AFF1: variants seen among roughly 807,000 people sequenced by gnomAD.
AFF1 encodes the protein AF4/FMR2 family member 1.
A neutral mutation model predicts 121.7 loss-of-function variants in AFF1; 48 were observed. The ratio of observed to expected loss-of-function variants is 0.39; its 90% CI spans 0.31 to 0.50. AFF1 has a LOEUF of 0.50. Ranked by LOEUF, AFF1 falls within the 20% of genes least tolerant of loss-of-function variation. The pLI is 0.76. For synonymous variants in AFF1, 613 were observed against 563.0 expected (o/e 1.09, Z -1.26); for missense variants, 1,523 against 1,511.7 (o/e 1.01, Z -0.12).
intron 2 of AFF1, among the ~76,000 whole-genome samples, chr4:86,976,437 C>A (rs1310230294): frequency 1.3e-5 from 2 of 151,986 alleles, no homozygotes; most frequent in Non-Finnish European, 2.9e-5. Context: ...TATCACGCAC[C>A]CATGAAAAAG....
At chr4:87,071,101 G>T (rs1214194389) in intron 4 of AFF1, among the ~76,000 whole-genome samples, 1 of 151,618 alleles carries the variant, frequency 6.6e-6, no homozygotes. Context: ...GTTATAAAAT[G>T]AATTGGAGGA....
chr4:87,058,691 C>G (rs1416394843), intron 4 of AFF1, among the ~76,000 whole-genome samples: 6 of 152,164 alleles, frequency 3.9e-5, no homozygotes, highest in Admixed American at 6.5e-5. Context: ...ACTGAAAGAG[C>G]AAAACAAACC....
intron 2 of AFF1, among the ~76,000 whole-genome samples, chr4:86,953,215 T>A (rs981785585): frequency 6.6e-6 from 1 of 152,140 alleles, no homozygotes; most frequent in African/African-American, 2.4e-5. Flanking sequence ...TAGTACCTAC[T>A]ACAAGTGGTA....
Position 87,025,360 on chromosome 4 carries a change from C to T in AFF1, c.39-20806C>T, listed in dbSNP as rs148859636. Among the ~76,000 whole-genome samples the T allele has an allele frequency of 5.3e-5, 8 of 152,258 alleles. No homozygotes were observed. In the East Asian group the frequency reaches 1.2e-3, roughly 22 times the overall value. On this transcript the variant is annotated intron_variant, in intron 2 of 20. Transcript: ENST00000395146. ...ATTCTCATCTCTATTTTAGAGAGGA[C>T]GAAACTAAGGCTTAGAGAGTGTATG...
Position 87,135,972 on chromosome 4 carries a change from G to A in AFF1, c.*271G>A, listed in dbSNP as rs1244368059. 1 of 381,300 alleles carries A rather than the reference G, an allele frequency of 2.6e-6. No individual in the cohort carries two copies. The allele number at this position is 381,300 out of a possible 1,614,324, so 23.6% of individuals were successfully genotyped here. On this transcript the variant is annotated 3_prime_UTR_variant, in exon 21 of 21. Transcript: ENST00000395146. The stretch of plus-strand genomic sequence containing the variant: ...CAGAAGTGCAATTTAGCTTAAATGG[G>A]TGTATGAATGGTCTAGAAACATTTC...
chr4:87,060,830 T>A, intron 4 of AFF1, among the ~76,000 whole-genome samples: 1 of 75,000 alleles, frequency 1.3e-5, no homozygotes. Context: ...AGTGAGACTC[T>A]GTCTCAAAAA....
chr4:87,037,228 G>T (rs931768542), intron 2 of AFF1, among the ~76,000 whole-genome samples: 2 of 152,122 alleles, frequency 1.3e-5, no homozygotes, highest in African/African-American at 4.8e-5. Context: ...ATTGTGAAAA[G>T]AATTTAAAAA....
intron 2 of AFF1, among the ~76,000 whole-genome samples, chr4:86,992,720 A>T (rs1246903754): frequency 6.6e-6 from 1 of 152,216 alleles, no homozygotes; most frequent in African/African-American, 2.4e-5. Context: ...AAATACTGTA[A>T]ACCTGAAAAA....
At chr4:86,990,159 CTTAAA>C (rs1332578271) in intron 2 of AFF1, among the ~76,000 whole-genome samples, 2 of 100,014 alleles carry the variant, frequency 2.0e-5, no homozygotes, top group African/African-American at 6.0e-5. Context: ...TATTCCAGAA[CTTAAA>C]TTATAATAAT....
intron 7 of AFF1, 34 bp from the exon 8 acceptor site, chr4:87,094,881 C>A: frequency 6.2e-7 from 1 of 1,603,710 alleles, no homozygotes; most frequent in Non-Finnish European, 8.5e-7. Flanking sequence ...AAATATGTGT[C>A]ATTGTGCTGC....
chr4:87,011,116 A>G (rs911795293), intron 2 of AFF1, among the ~76,000 whole-genome samples: 1 of 150,008 alleles, frequency 6.7e-6, no homozygotes, highest in East Asian at 1.9e-4. Flanking sequence ...AAATCACCTG[A>G]TGCCACCTGA....
At chr4:86,965,459 A>G (rs1039062678) in intron 2 of AFF1, among the ~76,000 whole-genome samples, 4 of 152,174 alleles carry the variant, frequency 2.6e-5, no homozygotes, top group Non-Finnish European at 5.9e-5. Flanking sequence ...TTATCCACCT[A>G]TTAGCAAAAG....
rs900864177 is a variant in AFF1, at chr4:87,046,152, G to C, written c.39-14G>C. 6 of 1,606,300 alleles carry C rather than the reference G, an allele frequency of 3.7e-6. No individual in the cohort carries two copies. The African/African-American group carries it at 8.1e-5, about 22-fold the overall frequency. On this transcript the variant is annotated splice_polypyrimidine_tract_variant and intron_variant, in intron 2 of 20. Transcript: ENST00000395146. ...AATTTTATTGTTTTCATTCTTTTGT[G>C]GCATCTGAAACAGTTTGTACAATGA...
intron 2 of AFF1, chr4:87,007,240 C>T: frequency 1.4e-6 from 2 of 1,481,034 alleles, no homozygotes; most frequent in Admixed American, 2.6e-5. Flanking sequence ...CCCGGGGCTG[C>T]GCCGAGGACG....
rs2149767371 is a variant in AFF1 at position 87,114,583 on chromosome 4, G to GCCC, written c.1754_1756dup (p.Pro585dup). The GCCC allele has an allele frequency of 2.9e-6, 3 of 1,048,650 alleles. No individual in the cohort carries two copies. Among genetic ancestry groups the GCCC allele is most frequent in the Non-Finnish European group, 3.8e-6 (3 of 783,672 alleles). The allele number at this position is 1,048,650 out of a possible 1,614,324, so 65.0% of individuals were successfully genotyped here. A position where few individuals can be genotyped will look rare whatever the true frequency, so the allele number is the denominator to read the frequency against. On this transcript the variant is annotated inframe_insertion, in exon 12 of 21. Coordinates refer to ENST00000395146, the MANE Select transcript of AFF1 (RefSeq NM_001166693.3). ...CAAAGCCCCCCGGGCCCCACCCGAA[G>GCCC]CCCCCCACCCCGGAAAGAGGAGCTG...
intron 2 of AFF1, among the ~76,000 whole-genome samples, chr4:87,031,209 C>T (rs1350434290): frequency 6.6e-6 from 1 of 152,118 alleles, no homozygotes; most frequent in South Asian, 2.1e-4. Flanking sequence ...TGGAGTAAGA[C>T]GGATGCAAAC....
At chr4:86,954,887 GC>G (rs1343717936) in intron 2 of AFF1, among the ~76,000 whole-genome samples, 1 of 152,152 alleles carries the variant, frequency 6.6e-6, no homozygotes, top group Non-Finnish European at 1.5e-5. Context: ...TGCAGTTCAA[GC>G]CCATGGGGTA....
intron 8 of AFF1, among the ~76,000 whole-genome samples, chr4:87,095,438 C>A (rs1168309843): frequency 6.6e-6 from 1 of 152,128 alleles, no homozygotes; most frequent in African/African-American, 2.4e-5. Flanking sequence ...GATTAAGTCC[C>A]CCTGTTGAAG....
intron 2 of AFF1, among the ~76,000 whole-genome samples, chr4:87,035,032 A>G (rs936859858): frequency 6.6e-6 from 1 of 152,234 alleles, no homozygotes; most frequent in Non-Finnish European, 1.5e-5. Flanking sequence ...ACACATATAT[A>G]AAGTCTATCT....
Sources: gnomAD v4.1 joint callset for allele counts (sites outside exome capture counted in the v4.1 genomes callset) on GRCh38, gnomAD v4.1.1 for gene constraint, MANE v1.5 for transcripts, NCBI Gene and HGNC (gene_info 2026-07-23, HGNC 2026-07-21) for gene names.